LPCAT1: variants seen among roughly 807,000 people sequenced by gnomAD.
LPCAT1 encodes 1-acylglycerol-3-phosphate O-acyltransferase.
In LPCAT1, 23 loss-of-function variants were observed where a neutral mutation model predicts 60.9. The observed-to-expected ratio is 0.38, with a 90% CI of 0.27 to 0.53. The LOEUF (loss-of-function observed/expected upper bound fraction) is 0.53. LPCAT1 is among the 20% of genes least tolerant of loss of function. The pLI is 0.82. For synonymous variants in LPCAT1, 340 were observed against 301.1 expected (o/e 1.13, Z -1.34); for missense variants, 622 against 723.6 (o/e 0.86, Z 1.61).
At chr5:1,506,598 G>A (rs1041207623) in intron 1 of LPCAT1, among the ~76,000 whole-genome samples, 3 of 152,300 alleles carry the variant, frequency 2.0e-5, no homozygotes, top group African/African-American at 7.2e-5. Flanking sequence ...GGGCAGCTGC[G>A]GCAGCCAAGC....
chr5:1,504,165 A>G (rs1736111413), intron 1 of LPCAT1, among the ~76,000 whole-genome samples: 1 of 152,252 alleles, frequency 6.6e-6, no homozygotes, highest in Non-Finnish European at 1.5e-5. Context: ...TCACATTTAG[A>G]ACACAGCTCC....
At position 1,519,113 on chromosome 5, in the gene LPCAT1, G is replaced by A. The variant is rs543802823; in HGVS notation, c.135+4597C>T. ...TATAAGATAAAGGGCTCTTTCTCAC[G>A]ATGAAACAGGAGTGCAAAGACAGTG... is the stretch of plus-strand genomic sequence containing the variant. On this transcript the variant is annotated intron_variant, in intron 1 of 13. Transcript: ENST00000283415. Among the ~76,000 whole-genome samples the A allele has an allele frequency of 4.4e-4, 67 of 152,344 alleles. 1 individual carries two copies. The South Asian group carries it at 0.013, about 29-fold the overall frequency.
At chr5:1,511,882 CCAA>C (rs1170747912) in intron 1 of LPCAT1, among the ~76,000 whole-genome samples, 1 of 152,230 alleles carries the variant, frequency 6.6e-6, no homozygotes, top group African/African-American at 2.4e-5. Flanking sequence ...TGCCACTCAG[CCAA>C]CAACCCCAAG....
chr5:1,516,941 A>G (rs375361140), intron 1 of LPCAT1, among the ~76,000 whole-genome samples: 217 of 152,354 alleles, frequency 1.4e-3, no homozygotes, highest in Middle Eastern at 0.01. Context: ...CTGCTGGCAC[A>G]TGGCTGAGAA....
At position 1,487,825 on chromosome 5, in the gene LPCAT1, T is replaced by C. The variant is rs1401677762; in HGVS notation, c.667+566A>G. On this transcript the variant is annotated intron_variant, in intron 5 of 13. Coordinates refer to ENST00000283415, the MANE Select transcript of LPCAT1 (RefSeq NM_024830.5). The surrounding 1 kb of genome is among the most constrained non-coding windows in gnomAD (Gnocchi z 6.1). ...AACAGACTCAGCGCAAAAAGAACAG[T>C]GGACTCTGCTGCCTGCTCACTGCCA... Among the ~76,000 whole-genome samples the C allele has an allele frequency of 6.6e-6, 1 of 152,098 alleles. No homozygotes were observed. The highest frequency in any genetic ancestry group is 1.5e-5 in the Non-Finnish European group (1 of 68,014).
At chr5:1,501,191 T>C (rs1735989524) in intron 2 of LPCAT1, among the ~76,000 whole-genome samples, 1 of 152,050 alleles carries the variant, frequency 6.6e-6, no homozygotes, top group South Asian at 2.1e-4. Flanking sequence ...GTCTCTGTGC[T>C]CAAGGGTGTG....
chr5:1,504,347 A>G (rs36977), intron 1 of LPCAT1, among the ~76,000 whole-genome samples: 49,965 of 152,244 alleles, frequency 0.33, 9,046 homozygotes, highest in Middle Eastern at 0.44. Context: ...CCTTCAGCCC[A>G]CCTGGTCCCG....
intron 3 of LPCAT1, among the ~76,000 whole-genome samples, chr5:1,491,799 A>T (rs931523567): frequency 2.0e-5 from 3 of 152,248 alleles, no homozygotes; most frequent in African/African-American, 7.2e-5. Flanking sequence ...CTGAAAGGAA[A>T]CTAAGAATGT....
chr5:1,469,746 A>C (rs34332639), intron 12 of LPCAT1, among the ~76,000 whole-genome samples: 2 of 151,698 alleles, frequency 1.3e-5, no homozygotes, highest in Non-Finnish European at 2.9e-5. Context: ...GCACCACTGC[A>C]CTCCAGCCTG....
In LPCAT1 at chr5:1,483,506, G is replaced by A. The variant is rs368629287; in HGVS notation, c.668-20C>T. 1.0e-4 allele frequency: 165 copies of A among 1,613,112 alleles called. No individual in the cohort carries two copies. In the African/African-American group the frequency reaches 1.9e-3, roughly 19 times the overall value. On this transcript the variant is annotated intron_variant, in intron 5 of 13. Coordinates refer to ENST00000283415, the MANE Select transcript of LPCAT1 (RefSeq NM_024830.5). This position sits in a 1 kb window ranked among gnomAD's most constrained non-coding sequence, Gnocchi z 9.2. ...ATGCACCTGCCGAGAAAGGAACAGCGGTGTTGCCCATGGCAGCCCACGCAG... is the reference window on the plus strand; with the variant it reads ...ATGCACCTGCCGAGAAAGGAACAGCAGTGTTGCCCATGGCAGCCCACGCAG...
chr5:1,514,412 CA>C lies in LPCAT1; in HGVS notation c.135+9297del, dbSNP rs568268056. On this transcript the variant is annotated intron_variant, in intron 1 of 13. Transcript: ENST00000283415. ...CATGCCAAACGCTCGCGGTGAAAGG[CA>C]GCCTGTTTCTTCAGTACTGTTCCTT... 2.0e-5 allele frequency among the ~76,000 whole-genome samples: 3 copies of C among 152,330 alleles called. No individual in the cohort carries two copies. The South Asian group carries it at 6.2e-4, about 32-fold the overall frequency.
At chr5:1,506,447 C>T (rs1050094552) in intron 1 of LPCAT1, among the ~76,000 whole-genome samples, 1 of 152,244 alleles carries the variant, frequency 6.6e-6, no homozygotes, top group Non-Finnish European at 1.5e-5. Flanking sequence ...ACAGGCCCCA[C>T]CCCTGCGTCC....
At chr5:1,517,720 G>A (rs532606571) in intron 1 of LPCAT1, among the ~76,000 whole-genome samples, 1 of 151,774 alleles carries the variant, frequency 6.6e-6, no homozygotes, top group East Asian at 1.9e-4. Flanking sequence ...TAAATAAAAT[G>A]GAAGCAAGTA....
At position 1,463,637 on chromosome 5, in the gene LPCAT1, C is replaced by T. The variant is rs376738435; in HGVS notation, c.*14G>A. Reference sequence around the variant, plus strand: ...CCACGCGGGAGGGGCCGCGTCTCTCCGCAACCCTGGGTCCTAATCCAGCTT... The same window carrying T: ...CCACGCGGGAGGGGCCGCGTCTCTCTGCAACCCTGGGTCCTAATCCAGCTT... On this transcript the variant is annotated 3_prime_UTR_variant, in exon 14 of 14. Coordinates refer to ENST00000283415, the MANE Select transcript of LPCAT1 (RefSeq NM_024830.5). 900 of 1,613,430 alleles carry T rather than the reference C, an allele frequency of 5.6e-4. 1 individual carries two copies. The highest frequency in any genetic ancestry group is 7.1e-4 in the Non-Finnish European group (842 of 1,179,924).
Position 1,501,239 on chromosome 5 carries a change from G to T in LPCAT1, c.278+222C>A, listed in dbSNP as rs73033817. On this transcript the variant is annotated intron_variant, in intron 2 of 13. Transcript: ENST00000283415. Reference sequence around the variant, plus strand: ...CACATCCTGCAGACCCCTGGAAAATGAAGCCTCAGAGCAGGACTGTGGCGG... The same window carrying T: ...CACATCCTGCAGACCCCTGGAAAATTAAGCCTCAGAGCAGGACTGTGGCGG... Among the ~76,000 whole-genome samples the T allele has an allele frequency of 4.6e-3, 700 of 152,346 alleles. 7 individuals carry two copies. Among genetic ancestry groups the T allele is most frequent in the African/African-American group, 0.016 (657 of 41,576 alleles).
rs1249682034 is a variant in LPCAT1 at position 1,522,481 on chromosome 5, C to G, written c.135+1229G>C. Among the ~76,000 whole-genome samples the G allele has an allele frequency of 6.6e-6, 1 of 152,092 alleles. No individual in the cohort carries two copies. Among genetic ancestry groups the G allele is most frequent in the African/African-American group, 2.4e-5 (1 of 41,434 alleles). On this transcript the variant is annotated intron_variant, in intron 1 of 13. Transcript: ENST00000283415. The surrounding 1 kb of genome is among the most constrained non-coding windows in gnomAD (Gnocchi z 6.8). ...CGGGGGCCAGGGCCTGGGAGCCAGG[C>G]TGGGGACGACCTCACCCTGTGTGTC...
At chr5:1,492,604 C>A (rs1040939629) in intron 3 of LPCAT1, among the ~76,000 whole-genome samples, 2 of 152,262 alleles carry the variant, frequency 1.3e-5, no homozygotes, top group African/African-American at 4.8e-5. Flanking sequence ...AAGAAACACG[C>A]AGGGCTCCAC....
intron 13 of LPCAT1, among the ~76,000 whole-genome samples, chr5:1,465,791 T>C (rs1219588361): frequency 1.3e-5 from 2 of 151,342 alleles, no homozygotes; most frequent in Non-Finnish European, 2.9e-5. Flanking sequence ...ATGCACACTT[T>C]CAATACTAAA....
intron 13 of LPCAT1, among the ~76,000 whole-genome samples, chr5:1,466,543 A>G (rs1388024692): frequency 6.6e-6 from 1 of 152,202 alleles, no homozygotes; most frequent in Admixed American, 6.5e-5. Context: ...TCGCCAAAAC[A>G]AATCAGATTG....
Sources: gnomAD v4.1 joint callset for allele counts (sites outside exome capture counted in the v4.1 genomes callset) on GRCh38, gnomAD v4.1.1 for gene constraint, Gnocchi (gnomAD v3.1) non-coding constraint, MANE v1.5 for transcripts, NCBI Gene and HGNC (gene_info 2026-07-23, HGNC 2026-07-21) for gene names.